CNTNAP2: variants seen among roughly 807,000 people sequenced by gnomAD.
CNTNAP2 encodes contactin associated protein 2.
Under a neutral mutation model 155.2 loss-of-function variants are expected in CNTNAP2, and 98 were observed. That is an observed-to-expected ratio of 0.63 (90% CI 0.54 to 0.75). CNTNAP2 has a LOEUF of 0.75. CNTNAP2 is among the 30% of genes least tolerant of loss of function. The pLI is 0.00. For missense variants in CNTNAP2, 1,727 were observed against 1,688.1 expected (o/e 1.02, Z -0.40); for synonymous variants, 651 against 631.2 (o/e 1.03, Z -0.47).
At chr7:147,898,978 G>A (rs1476503598) in intron 13 of CNTNAP2, among the ~76,000 whole-genome samples, 4 of 152,088 alleles carry the variant, frequency 2.6e-5, no homozygotes, top group Admixed American at 2.6e-4. Context: ...TCTTTTTTAG[G>A]TCTGAATAAT....
intron 12 of CNTNAP2, among the ~76,000 whole-genome samples, chr7:147,570,571 C>T (rs1334950724): frequency 2.6e-5 from 4 of 152,150 alleles, no homozygotes; most frequent in Non-Finnish European, 5.9e-5. Context: ...ATATTTTATA[C>T]AGGTACCTGC....
intron 3 of CNTNAP2, among the ~76,000 whole-genome samples, chr7:147,037,004 T>C (rs1217009713): frequency 6.6e-6 from 1 of 152,160 alleles, no homozygotes; most frequent in East Asian, 1.9e-4. Flanking sequence ...AATTCTTCTT[T>C]CCTTTTAGGA....
At chr7:146,877,612 T>TATAC (rs1795455767) in intron 3 of CNTNAP2, among the ~76,000 whole-genome samples, 2 of 141,480 alleles carry the variant, frequency 1.4e-5, no homozygotes, top group Admixed American at 7.2e-5. Context: ...GTGTATACTA[T>TATAC]ATATGTGTGT....
intron 1 of CNTNAP2, among the ~76,000 whole-genome samples, chr7:146,751,914 C>A (rs186135166): frequency 6.6e-6 from 1 of 152,064 alleles, no homozygotes; most frequent in Non-Finnish European, 1.5e-5. Context: ...CTGAGAATGA[C>A]GGCTTCCAGC....
chr7:148,397,766 C>A (rs1799500474), intron 22 of CNTNAP2, among the ~76,000 whole-genome samples: 1 of 152,208 alleles, frequency 6.6e-6, no homozygotes, highest in Non-Finnish European at 1.5e-5. Flanking sequence ...AGCCAGGCAC[C>A]AGGGAGGAAT....
intron 13 of CNTNAP2, among the ~76,000 whole-genome samples, chr7:147,739,193 A>G (rs894581766): frequency 2.7e-5 from 4 of 146,564 alleles, no homozygotes; most frequent in African/African-American, 7.6e-5. Context: ...AACTCATTTC[A>G]TGGGATTATT....
intron 10 of CNTNAP2, among the ~76,000 whole-genome samples, chr7:147,400,245 G>C (rs928117393): frequency 6.6e-6 from 1 of 152,142 alleles, no homozygotes; most frequent in Non-Finnish European, 1.5e-5. Context: ...AAGTTGGGGA[G>C]AGGGGGTGCT....
intron 13 of CNTNAP2, among the ~76,000 whole-genome samples, chr7:147,763,009 A>C (rs1797329382): frequency 6.6e-6 from 1 of 152,140 alleles, no homozygotes; most frequent in Non-Finnish European, 1.5e-5. Flanking sequence ...CTGTAATCCT[A>C]GCATTTTGGG....
intron 4 of CNTNAP2, chr7:147,081,059 A>G (rs1415137233): frequency 2.0e-5 from 3 of 152,200 alleles, no homozygotes; most frequent in African/African-American, 7.2e-5. Context: ...CTTAAGGAGT[A>G]TATAATCTAA....
At chr7:146,188,558 A>G (rs1798655718) in intron 1 of CNTNAP2, among the ~76,000 whole-genome samples, 1 of 152,202 alleles carries the variant, frequency 6.6e-6, no homozygotes, top group South Asian at 2.1e-4. Flanking sequence ...TAGACAGGTT[A>G]ATTTGTTCTA....
At chr7:147,387,049 T>G (rs1584917177) in intron 9 of CNTNAP2, among the ~76,000 whole-genome samples, 1 of 152,048 alleles carries the variant, frequency 6.6e-6, no homozygotes, top group East Asian at 1.9e-4. Flanking sequence ...TCAGATCTCG[T>G]GAGACGTATT....
chr7:146,529,319 T>G (rs933675873), intron 1 of CNTNAP2, among the ~76,000 whole-genome samples: 7 of 152,148 alleles, frequency 4.6e-5, no homozygotes, highest in Non-Finnish European at 1.0e-4. Flanking sequence ...GGGAGATGAT[T>G]TTTTGTCTCT....
At chr7:147,732,556 A>G (rs112302031) in intron 13 of CNTNAP2, among the ~76,000 whole-genome samples, 26,513 of 151,564 alleles carry the variant, frequency 0.17, 2,456 homozygotes, top group Middle Eastern at 0.39. Flanking sequence ...ATACCCAGTA[A>G]TGGGATGGCT....
intron 1 of CNTNAP2, among the ~76,000 whole-genome samples, chr7:146,544,094 T>C (rs1223929844): frequency 6.6e-6 from 1 of 152,028 alleles, no homozygotes; most frequent in Non-Finnish European, 1.5e-5. Flanking sequence ...TACTTGCTAA[T>C]AATTAAAACT....
chr7:148,353,976 G>T (rs76208763), intron 21 of CNTNAP2, among the ~76,000 whole-genome samples: 1 of 152,042 alleles, frequency 6.6e-6, no homozygotes, highest in African/African-American at 2.4e-5. Flanking sequence ...TATTATCATC[G>T]AACGTTTCCT....
intron 1 of CNTNAP2, among the ~76,000 whole-genome samples, chr7:146,624,887 T>C (rs1799393832): frequency 1.3e-5 from 2 of 152,004 alleles, no homozygotes; most frequent in Admixed American, 1.3e-4. Flanking sequence ...CTCTTCTTTT[T>C]ACCCTGAGAA....
At chr7:146,539,242 A>G (rs978510914) in intron 1 of CNTNAP2, among the ~76,000 whole-genome samples, 13 of 152,030 alleles carry the variant, frequency 8.6e-5, no homozygotes, top group African/African-American at 1.2e-4. Flanking sequence ...TCACAACGCT[A>G]TATCATGCTT....
At chr7:146,618,704 T>G (rs1191663938) in intron 1 of CNTNAP2, among the ~76,000 whole-genome samples, 3 of 152,186 alleles carry the variant, frequency 2.0e-5, no homozygotes, top group Admixed American at 6.5e-5. Context: ...TTGTTGAAAA[T>G]AATGCATAAA....
At chr7:146,282,853 G>T (rs1019492412) in intron 1 of CNTNAP2, among the ~76,000 whole-genome samples, 6 of 152,320 alleles carry the variant, frequency 3.9e-5, no homozygotes, top group African/African-American at 1.4e-4. Context: ...ACTACACATT[G>T]CTGAAGTTAG....
Sources: gnomAD v4.1 joint callset for allele counts (sites outside exome capture counted in the v4.1 genomes callset) on GRCh38, gnomAD v4.1.1 for gene constraint, MANE v1.5 for transcripts, NCBI Gene and HGNC (gene_info 2026-07-23, HGNC 2026-07-21) for gene names.